Variants in ADGRF1 observed in about 807,000 individuals in gnomAD.
ADGRF1 encodes adhesion G protein-coupled receptor F1, also known as G protein-coupled receptor 110.
ADGRF1 carries 85 observed loss-of-function variants against 87.2 expected under a neutral mutation model. The ratio of observed to expected loss-of-function variants is 0.97; its 90% CI spans 0.82 to 1.17. The LOEUF is 1.17. Ranked by LOEUF, ADGRF1 falls within the 50% of genes most tolerant of loss-of-function variation. ADGRF1 has a pLI of 0.00. For missense variants in ADGRF1, 1,169 were observed against 1,077.2 expected (o/e 1.09, Z -1.19); for synonymous variants, 430 against 408.8 (o/e 1.05, Z -0.63).
chr6:47,018,432 T>C (rs1302621792), intron 7 of ADGRF1: 3 of 1,289,044 alleles, frequency 2.3e-6, no homozygotes, highest in South Asian at 1.2e-5. Flanking sequence ...CTGCTCACAA[T>C]GTATAAATAA....
chr6:47,025,313 A>G (rs1780196474), intron 4 of ADGRF1, among the ~76,000 whole-genome samples: 1 of 152,166 alleles, frequency 6.6e-6, no homozygotes, highest in South Asian at 2.1e-4. Flanking sequence ...CAAATGAAGA[A>G]TTTGCATTTT....
At chr6:47,023,580 C>T (rs190241772) in intron 5 of ADGRF1, among the ~76,000 whole-genome samples, 2 of 152,276 alleles carry the variant, frequency 1.3e-5, no homozygotes, top group East Asian at 3.9e-4. Context: ...TTTAACAAGG[C>T]ATTCAGTACA....
In ADGRF1 at chr6:47,009,747, C is replaced by T; in HGVS notation, c.1688G>A (p.Cys563Tyr). The T allele has an allele frequency of 6.2e-7, 1 of 1,614,182 alleles. No homozygotes were observed. The highest frequency in any genetic ancestry group is 8.5e-7 in the Non-Finnish European group (1 of 1,180,012). ...NETQDIVTCQ[C>Y]THLTSFSILM... Reference sequence around the variant, plus strand: ...TATGGAGAAGGAGGTCAAGTGAGTACATTGGCACGTCACGATGTCTTGAGT... The same window carrying T: ...TATGGAGAAGGAGGTCAAGTGAGTATATTGGCACGTCACGATGTCTTGAGT... The change falls in exon 11 of 15, where the codon TGT becomes TAT. Residue 563 changes from cysteine (C) to tyrosine (Y), a missense_variant. Transcript: ENST00000371253.
intron 7 of ADGRF1, chr6:47,019,610 G>A: frequency 3.0e-6 from 1 of 332,580 alleles, no homozygotes; most frequent in Non-Finnish European, 4.3e-6. Context: ...CGTGAACCAA[G>A]GAGGTGGAGG....
chr6:47,024,942 T>C (rs556792774), intron 4 of ADGRF1, among the ~76,000 whole-genome samples: 1 of 152,300 alleles, frequency 6.6e-6, no homozygotes, highest in African/African-American at 2.4e-5. Context: ...GAGAGTTGTT[T>C]AAAGGATTCT....
chr6:47,010,078 G>A lies in ADGRF1; in HGVS notation c.1357C>T (p.Pro453Ser), dbSNP rs769420876. The A allele has an allele frequency of 1.2e-6, 2 of 1,614,010 alleles. No individual in the cohort carries two copies. Among genetic ancestry groups the A allele is most frequent in the African/African-American group, 1.3e-5 (1 of 74,910 alleles). The change falls in exon 11 of 15, where the codon CCC becomes TCC. Residue 453 changes from proline (P) to serine (S), a missense_variant. Coordinates refer to ENST00000371253, the MANE Select transcript of ADGRF1 (RefSeq NM_153840.4). ...RGYSYQIKMC[P>S]QNTSIPIRGR... Reference sequence around the variant, plus strand: ...CTGATGGGAATAGATGTATTTTGGGGACACATTTTAATCTGATAGCTGTAA... The same window carrying A: ...CTGATGGGAATAGATGTATTTTGGGAACACATTTTAATCTGATAGCTGTAA...
intron 7 of ADGRF1, chr6:47,020,405 G>A (rs1044517004): frequency 2.4e-5 from 21 of 876,680 alleles, no homozygotes; most frequent in Non-Finnish European, 3.0e-5. Flanking sequence ...CTGAGGCAGG[G>A]GAATCTCTTG....
chr6:47,041,271 G>T (rs556081926), intron 1 of ADGRF1, among the ~76,000 whole-genome samples: 1 of 152,230 alleles, frequency 6.6e-6, no homozygotes, highest in African/African-American at 2.4e-5. Flanking sequence ...TAAAAGGCTT[G>T]TGTTAATATT....
chr6:47,023,617 C>A (rs994354780), intron 5 of ADGRF1, among the ~76,000 whole-genome samples: 1 of 152,190 alleles, frequency 6.6e-6, no homozygotes, highest in East Asian at 1.9e-4. Flanking sequence ...TGAGAGATTT[C>A]TTTTAATGGA....
chr6:47,000,315 G>T lies in ADGRF1; in HGVS notation c.2660-20C>A. On this transcript the variant is annotated intron_variant, in intron 14 of 14. Transcript: ENST00000371253. Reference sequence around the variant, plus strand: ...AATGGCCTGAAGGGGAAAAAAAAAGGAAATAATTATTGTTACTCTGTTGAA... The same window carrying T: ...AATGGCCTGAAGGGGAAAAAAAAAGTAAATAATTATTGTTACTCTGTTGAA... 1.3e-6 allele frequency: 2 copies of T among 1,551,556 alleles called. No homozygotes were observed. The highest frequency in any genetic ancestry group is 8.8e-7 in the Non-Finnish European group (1 of 1,132,456).
chr6:47,032,955 TGTGCAGG>T (rs1284124377), intron 1 of ADGRF1, among the ~76,000 whole-genome samples: 1 of 152,256 alleles, frequency 6.6e-6, no homozygotes, highest in Non-Finnish European at 1.5e-5. Context: ...GCTTTGCGTG[TGTGCAGG>T]GTCATCATAA....
chr6:47,024,439 T>C (rs563397937), intron 4 of ADGRF1: 5 of 439,240 alleles, frequency 1.1e-5, no homozygotes, highest in Non-Finnish European at 2.0e-5. Context: ...GTCAGCCACC[T>C]GAGTAGCTGG....
intron 7 of ADGRF1, chr6:47,018,118 C>A: frequency 4.5e-6 from 1 of 221,638 alleles, no homozygotes; most frequent in Non-Finnish European, 9.0e-6. Context: ...ATTTGACATC[C>A]CAGCTGGAAA....
At chr6:47,006,188 G>T (rs1027541256) in intron 12 of ADGRF1, among the ~76,000 whole-genome samples, 2 of 152,158 alleles carry the variant, frequency 1.3e-5, no homozygotes, top group Non-Finnish European at 2.9e-5. Context: ...TGAATGGTAA[G>T]ACAAGGCAAT....
chr6:47,015,601 T>TTTATTTATTTATTTATTTAC (rs1284866394), intron 8 of ADGRF1, among the ~76,000 whole-genome samples: 1 of 151,758 alleles, frequency 6.6e-6, no homozygotes, highest in African/African-American at 2.4e-5. Flanking sequence ...TATTTATTTA[T>TTTATTTATTTATTTATTTAC]TTTTGTAACA....
At chr6:47,023,661 T>A (rs1389419580) in intron 5 of ADGRF1, among the ~76,000 whole-genome samples, 1 of 152,238 alleles carries the variant, frequency 6.6e-6, no homozygotes, top group Non-Finnish European at 1.5e-5. Context: ...TGCATTCATA[T>A]CTCTAGACTC....
rs1779658368 is a variant in ADGRF1, at chr6:47,010,016, T to A, written c.1419A>T (p.Arg473Ser). ...RVLIGSDQFQ[R>S]SLPETIISMA... is the part of the protein sequence containing the mutation. ...TGCTGATAATAGTTTCTGGAAGGGA[T>A]CTCTGGAATTGGTCTGACCCAATTA... is the stretch of plus-strand genomic sequence containing the variant. The change falls in exon 11 of 15, where the codon AGA becomes AGT. Residue 473 changes from arginine to serine, a missense_variant. Transcript: ENST00000371253. The A allele has an allele frequency of 6.2e-7, 1 of 1,614,102 alleles. No individual in the cohort carries two copies.
At chr6:47,000,925 T>C (rs549282873) in intron 14 of ADGRF1, among the ~76,000 whole-genome samples, 1 of 152,344 alleles carries the variant, frequency 6.6e-6, no homozygotes, top group South Asian at 2.1e-4. Context: ...TGTGGCTACT[T>C]GCAATGTTTA....
Position 47,010,134 on chromosome 6 carries a change from A to T in ADGRF1, c.1301T>A (p.Ile434Asn), listed in dbSNP as rs747651106. ...FSRKFIDWKG[I>N]PVNKSQLKRG... ...TTTGAGTTGGCTTTTGTTCACTGGA[A>T]TCCCTTTCCAGTCAATGAATTTCCG... Residue 434 changes from isoleucine to asparagine, a missense_variant, in exon 11 of 15, where the codon ATT becomes AAT. Coordinates refer to ENST00000371253, the MANE Select transcript of ADGRF1 (RefSeq NM_153840.4). 1.9e-5 allele frequency: 30 copies of T among 1,614,058 alleles called. No individual in the cohort carries two copies. Among genetic ancestry groups the T allele is most frequent in the Non-Finnish European group, 2.5e-5 (30 of 1,180,030 alleles).
Sources: gnomAD v4.1 joint callset for allele counts (sites outside exome capture counted in the v4.1 genomes callset) on GRCh38, gnomAD v4.1.1 for gene constraint, MANE v1.5 for transcripts, NCBI Gene and HGNC (gene_info 2026-07-23, HGNC 2026-07-21) for gene names.